The following SUPT3H variants were observed in gnomAD, a reference collection of about 807,000 sequenced individuals.
SUPT3H encodes SPT3 homolog, SAGA and STAGA complex component.
A neutral mutation model predicts 44.3 loss-of-function variants in SUPT3H; 44 were observed. That is an observed-to-expected ratio of 0.99 (90% CI 0.78 to 1.28). The LOEUF is 1.28. Ranked by LOEUF, SUPT3H falls within the 50% of genes most tolerant of loss-of-function variation. The pLI is 0.00. For missense variants in SUPT3H, 380 were observed against 387.1 expected, an observed-to-expected ratio of 0.98 and a Z score of 0.15; for synonymous variants, 124 against 125.6, an observed-to-expected ratio of 0.99 and a Z score of 0.09.
At chr6:45,102,403 T>C (rs571789470) in intron 3 of SUPT3H, among the ~76,000 whole-genome samples, 2 of 152,128 alleles carry the variant, frequency 1.3e-5, no homozygotes, top group Admixed American at 6.6e-5. Flanking sequence ...CTGTCTACAA[T>C]ATGGGGGAGA....
At chr6:44,977,413 G>A (rs1415949361) in intron 6 of SUPT3H, among the ~76,000 whole-genome samples, 1 of 152,120 alleles carries the variant, frequency 6.6e-6, no homozygotes, top group African/African-American at 2.4e-5. Flanking sequence ...TCCATTTATA[G>A]AAGAAACTGA....
chr6:44,963,467 G>A (rs1040894574), intron 6 of SUPT3H, among the ~76,000 whole-genome samples: 1 of 152,164 alleles, frequency 6.6e-6, no homozygotes, highest in Admixed American at 6.5e-5. Flanking sequence ...ACCAGCCTGG[G>A]TGACAGAGTG....
At chr6:44,972,717 G>T (rs1777768500) in intron 6 of SUPT3H, among the ~76,000 whole-genome samples, 1 of 152,174 alleles carries the variant, frequency 6.6e-6, no homozygotes. Context: ...GTGAAGTCTA[G>T]GTGGAGGTTC....
At chr6:45,179,283 G>T (rs1223354407) in intron 2 of SUPT3H, among the ~76,000 whole-genome samples, 3 of 152,038 alleles carry the variant, frequency 2.0e-5, no homozygotes, top group Non-Finnish European at 4.4e-5. Context: ...ATTCACAGCC[G>T]AATTCTATCA....
At chr6:45,240,620 A>G (rs1362415615) in intron 2 of SUPT3H, among the ~76,000 whole-genome samples, 1 of 152,188 alleles carries the variant, frequency 6.6e-6, no homozygotes, top group Non-Finnish European at 1.5e-5. Flanking sequence ...AGCGATTCCT[A>G]TGGAATCATT....
chr6:45,271,266 G>A (rs756068538), intron 2 of SUPT3H, among the ~76,000 whole-genome samples: 2 of 152,166 alleles, frequency 1.3e-5, no homozygotes, highest in Non-Finnish European at 2.9e-5. Flanking sequence ...AATGTCTCCA[G>A]GGAATGTCAG....
chr6:45,293,932 T>C (rs922344112), intron 2 of SUPT3H, among the ~76,000 whole-genome samples: 4 of 27,764 alleles, frequency 1.4e-4, no homozygotes, highest in Admixed American at 6.2e-4. Context: ...ACCAATCTTA[T>C]TGACACTATT....
rs145204693 is a variant in SUPT3H at position 44,938,882 on chromosome 6, G to A, written c.802-6119C>T. ...TGATTTCTTTCTCAGCTAGATTATCGGTGAATAGAAACACTACTGATTTTT... is the reference window on the plus strand; with the variant it reads ...TGATTTCTTTCTCAGCTAGATTATCAGTGAATAGAAACACTACTGATTTTT... On this transcript the variant is annotated intron_variant, in intron 9 of 10. Transcript: ENST00000371459. Among the ~76,000 whole-genome samples, 32 of 151,910 alleles carry A rather than the reference G, an allele frequency of 2.1e-4. No individual in the cohort carries two copies. In the East Asian group the frequency reaches 4.6e-3, roughly 22 times the overall value.
chr6:45,158,298 A>ATATATATATATATTTTTT, intron 2 of SUPT3H, among the ~76,000 whole-genome samples: 3 of 99,688 alleles, frequency 3.0e-5, no homozygotes, highest in African/African-American at 1.5e-4. Context: ...ATATATATAT[A>ATATATATATATATTTTTT]TTTTTTTTTT....
At chr6:44,988,373 C>T (rs916549534) in intron 6 of SUPT3H, among the ~76,000 whole-genome samples, 6 of 151,232 alleles carry the variant, frequency 4.0e-5, no homozygotes, top group African/African-American at 1.5e-4. Flanking sequence ...TGCAACAAAA[C>T]AACTAAAATA....
intron 3 of SUPT3H, among the ~76,000 whole-genome samples, chr6:45,067,635 A>G (rs1472489008): frequency 6.6e-6 from 1 of 151,772 alleles, no homozygotes; most frequent in East Asian, 1.9e-4. Flanking sequence ...AAACAACCCC[A>G]TCAAAAAGTG....
intron 6 of SUPT3H, among the ~76,000 whole-genome samples, chr6:44,975,959 TTTGAG>T (rs1778272766): frequency 6.6e-6 from 1 of 152,178 alleles, no homozygotes; most frequent in Non-Finnish European, 1.5e-5. Flanking sequence ...CTGGATAGCA[TTTGAG>T]TTAAGATTAG....
intron 2 of SUPT3H, among the ~76,000 whole-genome samples, chr6:45,215,454 C>T (rs1764880664): frequency 6.6e-6 from 1 of 151,942 alleles, no homozygotes; most frequent in African/African-American, 2.4e-5. Flanking sequence ...ATCAAGAAAA[C>T]AGTATGTGAT....
At chr6:44,989,957 T>C (rs1202950018) in intron 6 of SUPT3H, among the ~76,000 whole-genome samples, 1 of 152,096 alleles carries the variant, frequency 6.6e-6, no homozygotes, top group Non-Finnish European at 1.5e-5. Flanking sequence ...TTCCTTTTCA[T>C]ATTGTTGACT....
At chr6:44,839,195 G>A (rs1770475495) in intron 10 of SUPT3H, among the ~76,000 whole-genome samples, 2 of 152,114 alleles carry the variant, frequency 1.3e-5, no homozygotes, top group African/African-American at 4.8e-5. Context: ...CTAGGATCCT[G>A]CACTGGCCCA....
chr6:45,286,508 C>A (rs1023287737), intron 2 of SUPT3H, among the ~76,000 whole-genome samples: 6 of 152,150 alleles, frequency 3.9e-5, no homozygotes, highest in African/African-American at 1.2e-4. Flanking sequence ...TCATCACTGG[C>A]CAGCAGAGAA....
At chr6:45,091,400 G>A (rs1029618532) in intron 3 of SUPT3H, among the ~76,000 whole-genome samples, 1 of 151,802 alleles carries the variant, frequency 6.6e-6, no homozygotes, top group Non-Finnish European at 1.5e-5. Flanking sequence ...TCTTACTGCA[G>A]AGAACCACAG....
At chr6:45,305,816 C>G (rs1441284533) in intron 2 of SUPT3H, among the ~76,000 whole-genome samples, 1 of 152,198 alleles carries the variant, frequency 6.6e-6, no homozygotes, top group East Asian at 1.9e-4. Context: ...GGCAATGTGG[C>G]TGCACTGGGC....
At chr6:45,370,258 AAGC>A (rs779783862) in intron 1 of SUPT3H, among the ~76,000 whole-genome samples, 14 of 152,126 alleles carry the variant, frequency 9.2e-5, no homozygotes, top group Non-Finnish European at 5.9e-5. Context: ...TACATTTTGA[AAGC>A]AGAACTGATT....
Sources: allele counts gnomAD v4.1 joint callset (sites outside exome capture counted in the v4.1 genomes callset), GRCh38; gene constraint gnomAD v4.1.1; transcripts MANE v1.5; gene names NCBI Gene and HGNC (gene_info 2026-07-23, HGNC 2026-07-21).